The following THRAP3 variants were observed in gnomAD, a reference collection of about 807,000 sequenced individuals.
The protein encoded by THRAP3 is thyroid hormone receptor-associated protein 3.
THRAP3 carries 16 observed loss-of-function variants against 101.0 expected under a neutral mutation model. The ratio of observed to expected loss-of-function variants is 0.16; its 90% CI spans 0.11 to 0.24. The LOEUF (loss-of-function observed/expected upper bound fraction) is 0.24. THRAP3 is among the 10% of genes least tolerant of loss of function. The probability of loss-of-function intolerance (pLI) is 1.00; values close to 1 mark genes in which losing one functional copy is unlikely to be tolerated. For missense variants in THRAP3, 989 were observed against 1,202.7 expected, an observed-to-expected ratio of 0.82 and a Z score of 2.63; for synonymous variants, 407 against 422.6, an observed-to-expected ratio of 0.96 and a Z score of 0.45.
At chr1:36,226,036 A>G (rs867729075) in intron 1 of THRAP3, among the ~76,000 whole-genome samples, 28 of 151,496 alleles carry the variant, frequency 1.8e-4, no homozygotes, top group Admixed American at 1.2e-3. Flanking sequence ...GTACAGTTCA[A>G]TTTTAGCAGT....
chr1:36,290,022 C>T (rs1461987648), intron 5 of THRAP3, among the ~76,000 whole-genome samples: 1 of 152,140 alleles, frequency 6.6e-6, no homozygotes, highest in Non-Finnish European at 1.5e-5. Flanking sequence ...CATCACTGCA[C>T]CCCCAAGTCC....
In THRAP3 at chr1:36,296,748, C is replaced by A. The variant is rs776705004; in HGVS notation, c.2281C>A (p.His761Asn). The change falls in exon 9 of 12, where the codon CAT (histidine) becomes AAT (asparagine). Residue 761 changes from histidine to asparagine, a missense_variant. Transcript: ENST00000354618. ...ERSAEKTEKT[H>N]KGSKKQKKHR... is the part of the protein sequence containing the mutation. ...GTCAGCTGAAAAAACAGAGAAAACT[C>A]ATAAAGGATCAAAGAAACAGAAGTA... The A allele has an allele frequency of 1.0e-4, 167 of 1,594,358 alleles. No homozygotes were observed. Among genetic ancestry groups the A allele is most frequent in the Non-Finnish European group, 1.3e-4 (158 of 1,174,856 alleles).
intron 1 of THRAP3, among the ~76,000 whole-genome samples, chr1:36,240,642 A>C (rs1267965014): frequency 2.0e-5 from 3 of 152,188 alleles, no homozygotes; most frequent in Non-Finnish European, 4.4e-5. Context: ...TCCTCTGTCC[A>C]GTCAAGTTGA....
chr1:36,249,256 A>G (rs186458535), intron 1 of THRAP3, among the ~76,000 whole-genome samples: 1 of 147,296 alleles, frequency 6.8e-6, no homozygotes, highest in East Asian at 2.1e-4. Flanking sequence ...CAGTGGCGCA[A>G]GCTCCGCTCA....
chr1:36,278,646 A>G (rs1312007647), intron 2 of THRAP3, among the ~76,000 whole-genome samples: 2 of 152,152 alleles, frequency 1.3e-5, no homozygotes, highest in Non-Finnish European at 2.9e-5. Flanking sequence ...TCCTTGTGCC[A>G]GGCGTGGTGG....
rs1412999923 is a variant in THRAP3, at chr1:36,293,049, G to A, written c.2030+340G>A. On this transcript the variant is annotated intron_variant, in intron 7 of 11. Transcript: ENST00000354618. ...TTGTCTTTTTTTTTTTTTTTTTTGAGATGGAGTGTTGCTCTGCCACCCAGG... is the reference window on the plus strand; with the variant it reads ...TTGTCTTTTTTTTTTTTTTTTTTGAAATGGAGTGTTGCTCTGCCACCCAGG... Among the ~76,000 whole-genome samples the A allele has an allele frequency of 2.7e-3, 7 of 2,550 alleles. No homozygotes were observed. In the East Asian group the frequency reaches 0.077, roughly 28 times the overall value. 1.7% of individuals were successfully genotyped at this position (2,550 alleles called of 152,430 possible).
intron 7 of THRAP3, 29 bp downstream of exon 7, chr1:36,292,738 T>G: frequency 6.9e-4 from 1,055 of 1,526,588 alleles, no homozygotes; most frequent in Non-Finnish European, 8.7e-4. Flanking sequence ...TACTGGAGGT[T>G]GTAATAAAAG....
chr1:36,246,796 C>A (rs142551010), intron 1 of THRAP3, among the ~76,000 whole-genome samples: 4,849 of 151,650 alleles, frequency 0.032, 249 homozygotes, highest in African/African-American at 0.11. Flanking sequence ...GAGTGGAGAT[C>A]GTGCCACTGC....
At chr1:36,290,435 C>T (rs978820771) in intron 5 of THRAP3, among the ~76,000 whole-genome samples, 90 of 151,462 alleles carry the variant, frequency 5.9e-4, no homozygotes, top group African/African-American at 2.1e-3. Context: ...GTGATCCGCC[C>T]ACCTTGGCCT....
At chr1:36,231,153 C>CT (rs942066051) in intron 1 of THRAP3, among the ~76,000 whole-genome samples, 2 of 151,758 alleles carry the variant, frequency 1.3e-5, no homozygotes, top group African/African-American at 4.8e-5. Context: ...TATCATTGAC[C>CT]TTTTTTTTCT....
rs1645802984 is a variant in THRAP3, at chr1:36,286,901, C to G, written c.671C>G (p.Pro224Arg). Residue 224 changes from proline (P) to arginine (R), a missense_variant, in exon 4 of 12, where the codon CCA (proline) becomes CGA (arginine). Physicochemically the swap from Pro to Arg is moderately radical, Grantham distance 103 (BLOSUM62 -2). Coordinates refer to ENST00000354618, the MANE Select transcript of THRAP3 (RefSeq NM_005119.4). The surrounding 1 kb of genome is among the most constrained non-coding windows in gnomAD (Gnocchi z 5.5). ...TKASESSKPWPDATYGTGSAS... is the reference protein window; with the variant it reads ...TKASESSKPWRDATYGTGSAS... Reference sequence around the variant, plus strand: ...GCATCTGAGAGCTCGAAGCCATGGCCAGATGCCACCTACGGCACTGGTTCT... The same window carrying G: ...GCATCTGAGAGCTCGAAGCCATGGCGAGATGCCACCTACGGCACTGGTTCT... 1 of 1,614,044 alleles carries G rather than the reference C, an allele frequency of 6.2e-7. No individual in the cohort carries two copies. Among genetic ancestry groups the G allele is most frequent in the Non-Finnish European group, 8.5e-7 (1 of 1,179,998 alleles).
chr1:36,277,125 C>A (rs140079111), intron 2 of THRAP3, among the ~76,000 whole-genome samples: 1 of 151,834 alleles, frequency 6.6e-6, no homozygotes, highest in Non-Finnish European at 1.5e-5. Context: ...CCTGCCACCA[C>A]GCCTGGCTAA....
Position 36,232,948 on chromosome 1 carries a change from C to A in THRAP3, c.-135+8443C>A, listed in dbSNP as rs1645045239. Among the ~76,000 whole-genome samples, 2 of 25,506 alleles carry A rather than the reference C, an allele frequency of 7.8e-5. 1 individual carries two copies. Among genetic ancestry groups the A allele is most frequent in the South Asian group, 0.025 (2 of 80 alleles). The allele number at this position is 25,506 out of a possible 152,430, so 16.7% of individuals were successfully genotyped here. A position where few individuals can be genotyped will look rare whatever the true frequency, so the allele number is the denominator to read the frequency against. ...GGAGTGCTGTGGCGCGGTCTCGGCTCACTGCAACCTCCCAGATTCAAGCAA... is the reference window on the plus strand; with the variant it reads ...GGAGTGCTGTGGCGCGGTCTCGGCTAACTGCAACCTCCCAGATTCAAGCAA... On this transcript the variant is annotated intron_variant, in intron 1 of 11. Coordinates refer to ENST00000354618, the MANE Select transcript of THRAP3 (RefSeq NM_005119.4).
chr1:36,267,002 T>C (rs1374314346), intron 2 of THRAP3, among the ~76,000 whole-genome samples: 1 of 152,062 alleles, frequency 6.6e-6, no homozygotes, highest in Non-Finnish European at 1.5e-5. Flanking sequence ...TGTCTCAGCC[T>C]CCCGAGTAGG....
chr1:36,226,304 G>C (rs1205957016), intron 1 of THRAP3, among the ~76,000 whole-genome samples: 1 of 152,152 alleles, frequency 6.6e-6, no homozygotes, highest in African/African-American at 2.4e-5. Context: ...CTGTCACCCA[G>C]GCTGGAGTGC....
In THRAP3 at chr1:36,296,884, C is replaced by G. The variant is rs1570348576; in HGVS notation, c.2303+114C>G. The G allele has an allele frequency of 3.9e-6, 3 of 766,534 alleles. No individual in the cohort carries two copies. The East Asian group carries it at 9.1e-5, about 23-fold the overall frequency. The allele number at this position is 766,534 out of a possible 1,614,324, so 47.5% of individuals were successfully genotyped here. ...GTTTAGGGTTAGTAATTATAGCAACCTGTTTCTTCTTTTAATCCATGTAAA... is the reference window on the plus strand; with the variant it reads ...GTTTAGGGTTAGTAATTATAGCAACGTGTTTCTTCTTTTAATCCATGTAAA... On this transcript the variant is annotated intron_variant, in intron 9 of 11. Transcript: ENST00000354618.
intron 9 of THRAP3, among the ~76,000 whole-genome samples, chr1:36,298,641 A>AGGT (rs929412492): frequency 6.6e-6 from 1 of 152,084 alleles, no homozygotes; most frequent in African/African-American, 2.4e-5. Context: ...CTAGGAGTAC[A>AGGT]GGTATGCACC....
At chr1:36,212,406 T>TTTTC in the THRAP3 span, among the ~76,000 whole-genome samples, 15 of 149,270 alleles carry the variant, frequency 1.0e-4, no homozygotes, top group Admixed American at 2.7e-4. Context: ...TCTTTTTTTC[T>TTTTC]TTTCTTTCTT....
At chr1:36,241,156 G>A (rs866459429) in intron 1 of THRAP3, among the ~76,000 whole-genome samples, 4 of 141,774 alleles carry the variant, frequency 2.8e-5, no homozygotes, top group Non-Finnish European at 4.5e-5. Flanking sequence ...GCAGTGAGCC[G>A]AGATCGGGCC....
Sources: allele counts gnomAD v4.1 joint callset (sites outside exome capture counted in the v4.1 genomes callset), GRCh38; gene constraint gnomAD v4.1.1; non-coding constraint Gnocchi (gnomAD v3.1); transcripts MANE v1.5; gene names NCBI Gene and HGNC (gene_info 2026-07-23, HGNC 2026-07-21).